The following GPD2 variants were observed in gnomAD, a reference collection of about 807,000 sequenced individuals.
GPD2 encodes glycerol-3-phosphate dehydrogenase 2.
Under a neutral mutation model 82.4 loss-of-function variants are expected in GPD2, and 54 were observed. That is an observed-to-expected ratio of 0.66 (90% CI 0.53 to 0.82). GPD2 has a LOEUF of 0.82. Ranked by LOEUF, GPD2 falls within the 40% of genes least tolerant of loss-of-function variation. GPD2 has a pLI of 0.00. For missense variants in GPD2, 748 were observed against 896.2 expected (o/e 0.83, Z 2.11); for synonymous variants, 288 against 306.1 (o/e 0.94, Z 0.62).
chr2:156,465,462 A>G (rs554588341), intron 1 of GPD2, among the ~76,000 whole-genome samples: 4 of 151,028 alleles, frequency 2.6e-5, no homozygotes, highest in Non-Finnish European at 5.9e-5. Context: ...CCTGGGTTCA[A>G]ACAATCCTCC....
intron 1 of GPD2, among the ~76,000 whole-genome samples, chr2:156,445,126 G>A (rs1682324952): frequency 6.6e-6 from 1 of 152,182 alleles, no homozygotes. Context: ...ATAATAAACA[G>A]CAATGACAAG....
At chr2:156,449,677 C>A (rs1682483815) in intron 1 of GPD2, among the ~76,000 whole-genome samples, 1 of 151,918 alleles carries the variant, frequency 6.6e-6, no homozygotes, top group Non-Finnish European at 1.5e-5. Context: ...GTTGCCCAAC[C>A]AAGAACTTAT....
intron 2 of GPD2, among the ~76,000 whole-genome samples, chr2:156,493,451 A>C (rs994916894): frequency 2.0e-5 from 3 of 152,126 alleles, no homozygotes; most frequent in African/African-American, 7.2e-5. Flanking sequence ...ATTATTGTTG[A>C]GACTGAGATA....
At chr2:156,559,531 T>A (rs1356267835) in intron 9 of GPD2, among the ~76,000 whole-genome samples, 1 of 151,986 alleles carries the variant, frequency 6.6e-6, no homozygotes, top group Non-Finnish European at 1.5e-5. Context: ...CCCAAAGGAT[T>A]TTTTTTTGGT....
chr2:156,413,475 G>A, the GPD2 span, among the ~76,000 whole-genome samples: 4 of 151,416 alleles, frequency 2.6e-5, no homozygotes, highest in East Asian at 1.9e-4. Flanking sequence ...TCCCAGCTAC[G>A]TGGGAGGCTG....
chr2:156,506,248 A>G (rs1684782599), intron 3 of GPD2, among the ~76,000 whole-genome samples: 1 of 152,216 alleles, frequency 6.6e-6, no homozygotes, highest in Non-Finnish European at 1.5e-5. Context: ...CAATTTAGCT[A>G]TAACTTTGGA....
At chr2:156,519,413 G>T (rs993696960) in intron 6 of GPD2, among the ~76,000 whole-genome samples, 3 of 152,044 alleles carry the variant, frequency 2.0e-5, no homozygotes, top group African/African-American at 4.8e-5. Flanking sequence ...AAGAACTATT[G>T]AATAAGAGGA....
At chr2:156,544,027 C>T (rs745508484) in intron 6 of GPD2, among the ~76,000 whole-genome samples, 12 of 152,106 alleles carry the variant, frequency 7.9e-5, no homozygotes, top group Non-Finnish European at 1.5e-4. Context: ...TGCTGTAATT[C>T]TTCATACAGA....
At chr2:156,448,422 A>G (rs552817204) in intron 1 of GPD2, among the ~76,000 whole-genome samples, 8 of 152,164 alleles carry the variant, frequency 5.3e-5, no homozygotes, top group African/African-American at 1.2e-4. Flanking sequence ...TATGTCAGCA[A>G]TTTTTCTACA....
At chr2:156,576,412 A>G (rs1687822444) in intron 13 of GPD2, among the ~76,000 whole-genome samples, 1 of 152,270 alleles carries the variant, frequency 6.6e-6, no homozygotes, top group African/African-American at 2.4e-5. Flanking sequence ...ACTAAAAGAA[A>G]ACTCTAAGGA....
In GPD2 at chr2:156,584,802, A is replaced by G. The variant is rs971117496; in HGVS notation, c.*1884A>G. The stretch of plus-strand genomic sequence containing the variant: ...TAGAACCCAGTGACACTTAATAGGT[A>G]GATAAATTGTCCTTTAAAATATCCC... On this transcript the variant is annotated 3_prime_UTR_variant, in exon 17 of 17. Transcript: ENST00000438166. The G allele has an allele frequency of 1.5e-4, 23 of 152,546 alleles. No individual in the cohort carries two copies. Among genetic ancestry groups the G allele is most frequent in the Admixed American group, 1.5e-3 (23 of 15,256 alleles). 9.4% of individuals were successfully genotyped at this position (152,546 alleles called of 1,614,324 possible). A position where few individuals can be genotyped will look rare whatever the true frequency, so the allele number is the denominator to read the frequency against.
the GPD2 span, among the ~76,000 whole-genome samples, chr2:156,427,034 C>A: frequency 6.6e-6 from 1 of 152,216 alleles, no homozygotes; most frequent in African/African-American, 2.4e-5. Context: ...CAATCTCAAT[C>A]AACCCCTGAG....
chr2:156,511,043 G>A (rs552497073), intron 4 of GPD2, 123 bp downstream of exon 4: 2 of 857,588 alleles, frequency 2.3e-6, no homozygotes, highest in Non-Finnish European at 4.0e-6. Flanking sequence ...TACCTATTTA[G>A]TGTATTCTGC....
chr2:156,530,599 C>T (rs1573967990), intron 6 of GPD2, among the ~76,000 whole-genome samples: 1 of 151,484 alleles, frequency 6.6e-6, no homozygotes, highest in Admixed American at 6.6e-5. Context: ...TTTTGAAATA[C>T]GTTCCATCAA....
the GPD2 span, among the ~76,000 whole-genome samples, chr2:156,427,635 TAGAA>T: frequency 6.6e-6 from 1 of 152,228 alleles, no homozygotes; most frequent in Non-Finnish European, 1.5e-5. Flanking sequence ...GATCTAGCTC[TAGAA>T]AGATAGATTG....
chr2:156,418,997 T>A, the GPD2 span, among the ~76,000 whole-genome samples: 1 of 151,822 alleles, frequency 6.6e-6, no homozygotes, highest in East Asian at 1.9e-4. Context: ...CGGCGGCTTC[T>A]TCAGTTCAGC....
chr2:156,518,376 C>T (rs972545077), intron 6 of GPD2, among the ~76,000 whole-genome samples: 2 of 152,134 alleles, frequency 1.3e-5, no homozygotes, highest in Non-Finnish European at 2.9e-5. Context: ...TTTCATGTCT[C>T]CCAGTCACGA....
At chr2:156,454,634 C>G (rs1353165168) in intron 1 of GPD2, among the ~76,000 whole-genome samples, 8 of 152,080 alleles carry the variant, frequency 5.3e-5, no homozygotes, top group Admixed American at 2.0e-4. Flanking sequence ...AAGGAACACT[C>G]AGAGAAGAGA....
the GPD2 span, among the ~76,000 whole-genome samples, chr2:156,418,235 C>A: frequency 6.6e-6 from 1 of 150,650 alleles, no homozygotes; most frequent in Admixed American, 6.6e-5. Context: ...AAAAAAAAAA[C>A]CCACAAAAAT....
Sources: gnomAD v4.1 joint callset for allele counts (sites outside exome capture counted in the v4.1 genomes callset) on GRCh38, gnomAD v4.1.1 for gene constraint, MANE v1.5 for transcripts, NCBI Gene and HGNC (gene_info 2026-07-23, HGNC 2026-07-21) for gene names.